TNS1: variants seen among roughly 807,000 people sequenced by gnomAD.
The protein encoded by TNS1 is tensin 1, also known as tensin-1.
In TNS1, 62 loss-of-function variants were observed where a neutral mutation model predicts 168.6. The ratio of observed to expected loss-of-function variants is 0.37; its 90% CI spans 0.30 to 0.45. TNS1 has a LOEUF of 0.45. Ranked by LOEUF, TNS1 falls within the 20% of genes least tolerant of loss-of-function variation. The probability of loss-of-function intolerance (pLI) is 1.00; values close to 1 mark genes in which losing one functional copy is unlikely to be tolerated. For synonymous variants in TNS1, 934 were observed against 933.2 expected (o/e 1.00, Z -0.02); for missense variants, 2,240 against 2,339.4 (o/e 0.96, Z 0.88).
intron 22 of TNS1, among the ~76,000 whole-genome samples, chr2:217,823,556 C>T (rs1340100012): frequency 6.6e-6 from 1 of 152,198 alleles, no homozygotes; most frequent in Admixed American, 6.5e-5. Flanking sequence ...TGACATCCTA[C>T]ACCCAGGCCA....
intron 3 of TNS1, among the ~76,000 whole-genome samples, chr2:217,923,600 C>A (rs1037495061): frequency 2.6e-5 from 4 of 152,194 alleles, no homozygotes; most frequent in African/African-American, 9.7e-5. Flanking sequence ...CACACACATC[C>A]ACGGAGCCAT....
rs76591402 is a variant in TNS1, at chr2:217,801,356, A to C, written c.*3103T>G. 4 of 152,336 alleles carry C rather than the reference A, an allele frequency of 2.6e-5. No homozygotes were observed. Among genetic ancestry groups the C allele is most frequent in the East Asian group, 1.9e-4 (1 of 5,156 alleles). 9.4% of individuals were successfully genotyped at this position (152,336 alleles called of 1,614,324 possible). On this transcript the variant is annotated 3_prime_UTR_variant, in exon 33 of 33. Transcript: ENST00000682258. ...GCTCACTGGGCCCCTCCCCCAGCTGAAGGGACATGACCCTCCTCTGCCCTC... is the reference window on the plus strand; with the variant it reads ...GCTCACTGGGCCCCTCCCCCAGCTGCAGGGACATGACCCTCCTCTGCCCTC...
intron 12 of TNS1, among the ~76,000 whole-genome samples, chr2:217,888,812 C>G (rs1223992008): frequency 6.6e-6 from 1 of 152,150 alleles, no homozygotes; most frequent in African/African-American, 2.4e-5. Context: ...TTGTAAATTG[C>G]CCAGTCTTGG....
At chr2:217,953,670 C>T (rs998473324) in intron 3 of TNS1, among the ~76,000 whole-genome samples, 2 of 152,294 alleles carry the variant, frequency 1.3e-5, no homozygotes, top group Middle Eastern at 6.8e-3. Context: ...CTCCCACCTC[C>T]ACAATCCTGG....
chr2:217,943,281 A>G (rs1190535950), intron 3 of TNS1, among the ~76,000 whole-genome samples: 2 of 151,768 alleles, frequency 1.3e-5, no homozygotes, highest in African/African-American at 2.4e-5. Flanking sequence ...AGTGCTTTGA[A>G]CCCTAACCTT....
At chr2:217,981,150 C>T (rs1958038459) in intron 2 of TNS1, among the ~76,000 whole-genome samples, 2 of 152,196 alleles carry the variant, frequency 1.3e-5, no homozygotes, top group South Asian at 2.1e-4. Flanking sequence ...CCCATGAGAC[C>T]ATACAGCATC....
intron 18 of TNS1, among the ~76,000 whole-genome samples, chr2:217,851,196 T>G (rs1427632027): frequency 6.7e-6 from 1 of 150,008 alleles, no homozygotes; most frequent in East Asian, 2.0e-4. Flanking sequence ...AATAAATACT[T>G]AAAGCCACAA....
At chr2:217,901,793 C>T (rs989178984) in intron 6 of TNS1, 1 of 152,266 alleles carries the variant, frequency 6.6e-6, no homozygotes, top group African/African-American at 2.4e-5. Context: ...AGAAGAGGAG[C>T]CCCTGCACCC....
chr2:218,014,177 G>T (rs1411054129), upstream of TNS1, among the ~76,000 whole-genome samples: 1 of 152,176 alleles, frequency 6.6e-6, no homozygotes, highest in Non-Finnish European at 1.5e-5. Context: ...AATCACTTGG[G>T]CATCTGATCG....
rs1204401139 is a variant in TNS1, at chr2:217,804,261, T to C, written c.*198A>G. 7.6e-6 allele frequency: 4 copies of C among 527,066 alleles called. No individual in the cohort carries two copies. Among genetic ancestry groups the C allele is most frequent in the Admixed American group, 3.6e-5 (1 of 27,496 alleles). The allele number at this position is 527,066 out of a possible 1,614,324, so 32.6% of individuals were successfully genotyped here. On this transcript the variant is annotated 3_prime_UTR_variant, in exon 33 of 33. Coordinates refer to ENST00000682258, the MANE Select transcript of TNS1 (RefSeq NM_001387777.1). ...CAAGTTCTTCTCCTCCATCTTTCTCTCTCTCTCTCTCTCTCTCTCTCTCTC... is the reference window on the plus strand; with the variant it reads ...CAAGTTCTTCTCCTCCATCTTTCTCCCTCTCTCTCTCTCTCTCTCTCTCTC...
intron 18 of TNS1, among the ~76,000 whole-genome samples, chr2:217,875,018 C>A (rs932947753): frequency 6.6e-6 from 1 of 152,200 alleles, no homozygotes; most frequent in African/African-American, 2.4e-5. Flanking sequence ...CCCTTTGAAG[C>A]TAGGCATGGG....
chr2:217,804,938 C>A (rs1160018321), intron 32 of TNS1, among the ~76,000 whole-genome samples: 1 of 152,006 alleles, frequency 6.6e-6, no homozygotes, highest in Non-Finnish European at 1.5e-5. Context: ...CCTAGACAGG[C>A]CTCTCCCCGC....
Position 217,818,613 on chromosome 2 carries a change from G to A in TNS1, c.3719C>T (p.Pro1240Leu), listed in dbSNP as rs779415669. The change falls in exon 24 of 33, where the codon CCT (proline) becomes CTT (leucine). Residue 1240 changes from proline (P) to leucine (L), a missense_variant. Physicochemically the swap from Pro to Leu is moderately conservative, Grantham distance 98. Coordinates refer to ENST00000682258, the MANE Select transcript of TNS1 (RefSeq NM_001387777.1). ...SAQRNYQSSS[P>L]LPTVGSSYSS... ...GTAGCTACTGCCCACAGTCGGGAGA[G>A]GAGAAGAGCTCTGGTAGTTTCTCTG... The A allele has an allele frequency of 1.9e-6, 3 of 1,614,232 alleles. No individual in the cohort carries two copies. Among genetic ancestry groups the A allele is most frequent in the Non-Finnish European group, 2.5e-6 (3 of 1,180,046 alleles).
chr2:217,973,782 A>G (rs962364755), intron 3 of TNS1, among the ~76,000 whole-genome samples: 1 of 152,210 alleles, frequency 6.6e-6, no homozygotes, highest in Admixed American at 6.5e-5. Context: ...TGCAAAGACG[A>G]GGGAAAACAT....
At chr2:217,858,671 TACACACACAC>T in intron 18 of TNS1, 4 of 146,918 alleles carry the variant, frequency 2.7e-5, no homozygotes, top group Non-Finnish European at 3.6e-5. Flanking sequence ...CCTGCCCATG[TACACACACAC>T]ACACACACAC....
intron 13 of TNS1, 22 bp from the exon 14 acceptor site, chr2:217,886,126 TA>T (rs755156089): frequency 7.4e-6 from 12 of 1,612,898 alleles, no homozygotes; most frequent in Non-Finnish European, 1.0e-5. Context: ...GGGTGGGTGT[TA>T]GCTAAGACAG....
At chr2:217,829,838 A>G in intron 22 of TNS1, 2 of 1,614,128 alleles carry the variant, frequency 1.2e-6, no homozygotes, top group Non-Finnish European at 1.7e-6. Context: ...AGCAAATGCT[A>G]CTTACCTTCT....
intron 3 of TNS1, among the ~76,000 whole-genome samples, chr2:217,939,762 G>A (rs1345073121): frequency 1.3e-5 from 2 of 152,236 alleles, no homozygotes; most frequent in Non-Finnish European, 1.5e-5. Flanking sequence ...GCAGAGCCCA[G>A]ACTAGCCCTG....
intron 3 of TNS1, among the ~76,000 whole-genome samples, chr2:217,941,848 C>T (rs977818239): frequency 1.2e-4 from 18 of 152,332 alleles, no homozygotes; most frequent in African/African-American, 3.4e-4. Flanking sequence ...ACCTCTGAGG[C>T]TCCTCTCCCT....
Sources: allele counts gnomAD v4.1 joint callset (sites outside exome capture counted in the v4.1 genomes callset), GRCh38; gene constraint gnomAD v4.1.1; transcripts MANE v1.5; gene names NCBI Gene and HGNC (gene_info 2026-07-23, HGNC 2026-07-21).